UNC5C: variants seen among roughly 807,000 people sequenced by gnomAD.
UNC5C encodes netrin receptor UNC5C.
UNC5C carries 47 observed loss-of-function variants against 99.8 expected under a neutral mutation model. The observed-to-expected ratio is 0.47, with a 90% CI of 0.37 to 0.60. The LOEUF (loss-of-function observed/expected upper bound fraction) is 0.60, where lower values mean the gene tolerates loss of function less well. Among genes scored for constraint, UNC5C ranks in the 20% least tolerant of loss-of-function variants. The pLI, the probability that UNC5C is intolerant of heterozygous loss-of-function variation, is 0.00. For synonymous variants in UNC5C, 487 were observed against 452.2 expected (o/e 1.08, Z -0.98); for missense variants, 1,062 against 1,165.9 (o/e 0.91, Z 1.30).
At chr4:95,432,774 T>A (rs1746667813) in intron 1 of UNC5C, among the ~76,000 whole-genome samples, 1 of 152,068 alleles carries the variant, frequency 6.6e-6, no homozygotes, top group Non-Finnish European at 1.5e-5. Context: ...ATTGAAAACA[T>A]GGGGAGATCA....
At chr4:95,478,464 G>A (rs1721029730) in intron 1 of UNC5C, among the ~76,000 whole-genome samples, 1 of 151,910 alleles carries the variant, frequency 6.6e-6, no homozygotes, top group African/African-American at 2.4e-5. Flanking sequence ...CGATGGTTCA[G>A]GGCTGCTTCA....
In UNC5C at chr4:95,448,902, T is replaced by C. The variant is rs376388382; in HGVS notation, c.124+99832A>G. On this transcript the variant is annotated intron_variant, in intron 1 of 15. Transcript: ENST00000453304. ...ACTTGAAAACAGAAGTAGTTATTAA[T>C]CTGTTCTAGGTGCCCCTTTTCTTTG... Among the ~76,000 whole-genome samples the C allele has an allele frequency of 8.5e-5, 13 of 152,290 alleles. No homozygotes were observed. The East Asian group carries it at 1.9e-3, about 23-fold the overall frequency.
chr4:95,191,419 T>C (rs1378687306), intron 12 of UNC5C, among the ~76,000 whole-genome samples: 1 of 152,072 alleles, frequency 6.6e-6, no homozygotes, highest in Non-Finnish European at 1.5e-5. Context: ...TGAAGCTGGG[T>C]TACAGAGCCC....
rs1429777906 is a variant in UNC5C, at chr4:95,395,516, G to A, written c.125-59885C>T. Among the ~76,000 whole-genome samples the A allele has an allele frequency of 3.9e-5, 6 of 152,300 alleles. No homozygotes were observed. The East Asian group carries it at 1.2e-3, about 29-fold the overall frequency. On this transcript the variant is annotated intron_variant, in intron 1 of 15. Transcript: ENST00000453304. The stretch of plus-strand genomic sequence containing the variant: ...CCTCCTCCCAGACACTAAGGGTATA[G>A]CTGCCTGAGAGCAGGTCTTTTCTCT...
In UNC5C at chr4:95,166,347, G is replaced by T. The variant is rs964643729; in HGVS notation, c.*2887C>A. The T allele has an allele frequency of 6.6e-6, 1 of 152,184 alleles. No homozygotes were observed. The highest frequency in any genetic ancestry group is 1.5e-5 in the Non-Finnish European group (1 of 68,036). 9.4% of individuals were successfully genotyped at this position (152,184 alleles called of 1,614,324 possible). On this transcript the variant is annotated 3_prime_UTR_variant, in exon 16 of 16. Transcript: ENST00000453304. ...CAGAATTTGTAGTGAAAATTATTTG[G>T]TATAAATAGTGTATGTATGGAAGTT...
At chr4:95,225,142 C>G (rs1038428978) in intron 7 of UNC5C, among the ~76,000 whole-genome samples, 2 of 152,120 alleles carry the variant, frequency 1.3e-5, no homozygotes, top group African/African-American at 4.8e-5. Context: ...CTGCAACCTC[C>G]GCCTCCCGGG....
intron 1 of UNC5C, among the ~76,000 whole-genome samples, chr4:95,543,772 T>C (rs1722984937): frequency 6.6e-6 from 1 of 152,194 alleles, no homozygotes; most frequent in African/African-American, 2.4e-5. Flanking sequence ...TTGCAAGGAC[T>C]TAACTGGGAG....
At chr4:95,354,357 T>C (rs754847729) in intron 1 of UNC5C, among the ~76,000 whole-genome samples, 3 of 151,462 alleles carry the variant, frequency 2.0e-5, no homozygotes, top group Non-Finnish European at 4.4e-5. Context: ...CTCCCTGCCT[T>C]GCCCTCCACA....
intron 7 of UNC5C, among the ~76,000 whole-genome samples, chr4:95,235,004 G>A (rs1454138779): frequency 1.3e-5 from 2 of 152,126 alleles, no homozygotes; most frequent in Admixed American, 6.5e-5. Context: ...ATAGGCAACT[G>A]GGAAATAATG....
At chr4:95,500,238 C>T (rs1414154467) in intron 1 of UNC5C, among the ~76,000 whole-genome samples, 3 of 151,988 alleles carry the variant, frequency 2.0e-5, no homozygotes, top group Non-Finnish European at 2.9e-5. Context: ...CATGCCACAA[C>T]GAATAAATAG....
intron 1 of UNC5C, among the ~76,000 whole-genome samples, chr4:95,410,358 A>T (rs540294097): frequency 6.6e-6 from 1 of 152,188 alleles, no homozygotes; most frequent in East Asian, 1.9e-4. Flanking sequence ...AGGAAAAAAG[A>T]CAAATGGATT....
chr4:95,188,342 G>A (rs1736917895), intron 12 of UNC5C, among the ~76,000 whole-genome samples: 1 of 152,146 alleles, frequency 6.6e-6, no homozygotes, highest in African/African-American at 2.4e-5. Context: ...ACAGAAAAAA[G>A]GAGAGGACAA....
At chr4:95,401,325 GTC>G (rs1454723330) in intron 1 of UNC5C, among the ~76,000 whole-genome samples, 3 of 151,832 alleles carry the variant, frequency 2.0e-5, no homozygotes, top group Admixed American at 1.3e-4. Context: ...TTGAGACAGA[GTC>G]TCACTTTGTC....
In UNC5C at chr4:95,548,911, A is replaced by C; in HGVS notation, c.-54T>G. 6.2e-7 allele frequency: 1 copy of C among 1,604,126 alleles called. No individual in the cohort carries two copies. Among genetic ancestry groups the C allele is most frequent in the South Asian group, 1.1e-5 (1 of 90,198 alleles). The stretch of plus-strand genomic sequence containing the variant: ...GAGGGGGACAGAGAGACGCGCAAAC[A>C]GCTGAAAGCCCCACTGGGCAGAAGC... On this transcript the variant is annotated 5_prime_UTR_variant, in exon 1 of 16. Coordinates refer to ENST00000453304, the MANE Select transcript of UNC5C (RefSeq NM_003728.4).
chr4:95,208,047 C>T (rs1236675525), intron 10 of UNC5C, among the ~76,000 whole-genome samples: 1 of 152,172 alleles, frequency 6.6e-6, no homozygotes, highest in Non-Finnish European at 1.5e-5. Context: ...CCAGATCTCT[C>T]CTCGGGTTTC....
chr4:95,446,838 T>C (rs555698297), intron 1 of UNC5C, among the ~76,000 whole-genome samples: 52 of 152,360 alleles, frequency 3.4e-4, no homozygotes, highest in Non-Finnish European at 5.1e-4. Context: ...TAATGGAGCA[T>C]TAAATACGTC....
chr4:95,548,968 A>G lies in UNC5C; in HGVS notation c.-111T>C, dbSNP rs1038999323. 8.4e-6 allele frequency: 12 copies of G among 1,422,040 alleles called. No homozygotes were observed. The African/African-American group carries it at 1.6e-4, about 18-fold the overall frequency. 88.1% of individuals were successfully genotyped at this position (1,422,040 alleles called of 1,614,324 possible). ...CGTGCACCGCGAAGCAGTCCGAAGA[A>G]ATAACGACAACCAAGCGCCACACTC... On this transcript the variant is annotated 5_prime_UTR_variant, in exon 1 of 16. Coordinates refer to ENST00000453304, the MANE Select transcript of UNC5C (RefSeq NM_003728.4).
chr4:95,310,033 A>G (rs1742222601), intron 2 of UNC5C, among the ~76,000 whole-genome samples: 1 of 152,210 alleles, frequency 6.6e-6, no homozygotes, highest in Admixed American at 6.5e-5. Context: ...ACATGGGATT[A>G]ACCTAAGTGT....
At chr4:95,375,249 G>A (rs1204077141) in intron 1 of UNC5C, among the ~76,000 whole-genome samples, 2 of 151,942 alleles carry the variant, frequency 1.3e-5, no homozygotes, top group African/African-American at 4.8e-5. Context: ...AATTAGAATT[G>A]GTTATGAAGA....
Sources: allele counts gnomAD v4.1 joint callset (sites outside exome capture counted in the v4.1 genomes callset), GRCh38; gene constraint gnomAD v4.1.1; transcripts MANE v1.5; gene names NCBI Gene and HGNC (gene_info 2026-07-23, HGNC 2026-07-21).